Variants in CLOCK observed in about 807,000 individuals in gnomAD.
CLOCK encodes clock circadian regulator.
In CLOCK, 43 loss-of-function variants were observed where a neutral mutation model predicts 118.4. The ratio of observed to expected loss-of-function variants is 0.36; its 90% CI spans 0.28 to 0.47. The LOEUF (loss-of-function observed/expected upper bound fraction) is 0.47, where lower values mean the gene tolerates loss of function less well. Among genes scored for constraint, CLOCK ranks in the 20% least tolerant of loss-of-function variants. The probability of loss-of-function intolerance (pLI) is 1.00; values close to 1 mark genes in which losing one functional copy is unlikely to be tolerated. For missense variants in CLOCK, 846 were observed against 999.9 expected, an observed-to-expected ratio of 0.85 and a Z score of 2.08; for synonymous variants, 326 against 339.2, an observed-to-expected ratio of 0.96 and a Z score of 0.43.
chr4:55,462,311 G>C (rs961767689), intron 9 of CLOCK, among the ~76,000 whole-genome samples: 3 of 151,916 alleles, frequency 2.0e-5, no homozygotes, highest in Non-Finnish European at 4.4e-5. Flanking sequence ...TTTTGAGACA[G>C]AGTCTCGCTC....
chr4:55,472,861 C>T (rs1301661762), intron 7 of CLOCK, among the ~76,000 whole-genome samples: 5 of 152,052 alleles, frequency 3.3e-5, no homozygotes, highest in East Asian at 1.9e-4. Context: ...TCTTGTCATT[C>T]GAGCAAACTC....
chr4:55,506,991 T>A (rs62305268), intron 2 of CLOCK, among the ~76,000 whole-genome samples: 37,489 of 152,090 alleles, frequency 0.25, 4,957 homozygotes, highest in South Asian at 0.37. Flanking sequence ...ACAAATAAAT[T>A]TGGCCAATGA....
intron 8 of CLOCK, among the ~76,000 whole-genome samples, chr4:55,467,244 A>T (rs1725795578): frequency 6.6e-6 from 1 of 152,198 alleles, no homozygotes; most frequent in African/African-American, 2.4e-5. Context: ...ACTAAAGATT[A>T]GAAAGGGATT....
At chr4:55,448,643 TGC>T in intron 18 of CLOCK, 134 bp downstream of exon 18, 2 of 579,620 alleles carry the variant, frequency 3.5e-6, no homozygotes, top group Non-Finnish European at 6.3e-6. Context: ...TGTGTGTGTG[TGC>T]TCCTACCTCA....
At chr4:55,454,188 T>C (rs1289506044) in intron 13 of CLOCK, among the ~76,000 whole-genome samples, 1 of 152,202 alleles carries the variant, frequency 6.6e-6, no homozygotes, top group Non-Finnish European at 1.5e-5. Context: ...ACAGAATCTT[T>C]GAAGCATTTA....
At chr4:55,498,502 A>AT (rs1202841610) in intron 2 of CLOCK, among the ~76,000 whole-genome samples, 1 of 152,058 alleles carries the variant, frequency 6.6e-6, no homozygotes, top group Non-Finnish European at 1.5e-5. Context: ...GAACTAGAAG[A>AT]TTTTGCAATA....
At chr4:55,476,160 T>C (rs937892063) in intron 6 of CLOCK, 106 bp from the exon 7 acceptor site, 27 of 748,270 alleles carry the variant, frequency 3.6e-5, no homozygotes, top group South Asian at 1.3e-4. Flanking sequence ...ATGACAACCG[T>C]AGGCATTAAC....
intron 2 of CLOCK, among the ~76,000 whole-genome samples, chr4:55,507,130 A>G (rs2110012994): frequency 1.3e-5 from 2 of 152,272 alleles, no homozygotes; most frequent in South Asian, 4.1e-4. Context: ...CCTAAGCAGC[A>G]TAGTGAAACC....
chr4:55,501,435 A>G (rs1577807414), intron 2 of CLOCK, among the ~76,000 whole-genome samples: 1 of 151,614 alleles, frequency 6.6e-6, no homozygotes, highest in East Asian at 1.9e-4. Flanking sequence ...TTTTTTTTTA[A>G]GAGACAGGAT....
chr4:55,503,888 A>G (rs1449806486), intron 2 of CLOCK, among the ~76,000 whole-genome samples: 2 of 147,292 alleles, frequency 1.4e-5, no homozygotes, highest in African/African-American at 2.5e-5. Context: ...CACTGCAGGT[A>G]CTTCTTCTTA....
In CLOCK at chr4:55,453,729, G is replaced by T. The variant is rs1357920428; in HGVS notation, c.1078C>A (p.His360Asn). 1.9e-6 allele frequency: 3 copies of T among 1,610,632 alleles called. No individual in the cohort carries two copies. The highest frequency in any genetic ancestry group is 2.5e-6 in the Non-Finnish European group (3 of 1,177,644). ...WLQTHYYITY[H>N]QWNSRPEFIV... ...AACTCTGGCCTTGAATTCCACTGAT[G>T]GTAAGTGATATAATAATGAGTCTGA... is the stretch of plus-strand genomic sequence containing the variant. Residue 360 changes from histidine (H) to asparagine (N), a missense_variant, in exon 14 of 23, where the codon CAT (histidine) becomes AAT (asparagine). His to Asn is a moderately conservative substitution (Grantham distance 68). This residue lies in a region of CLOCK where 66 missense variants were observed against 99.4 expected (regional missense o/e 0.66). Transcript: ENST00000513440.
chr4:55,503,992 A>AAG (rs1359287118), intron 2 of CLOCK, among the ~76,000 whole-genome samples: 7 of 147,622 alleles, frequency 4.7e-5, no homozygotes, highest in African/African-American at 1.7e-4. Flanking sequence ...AAAAAAAAAA[A>AAG]AAAAAAAAAA....
chr4:55,517,733 G>T (rs574181652), intron 1 of CLOCK, among the ~76,000 whole-genome samples: 3 of 152,260 alleles, frequency 2.0e-5, no homozygotes, highest in South Asian at 4.1e-4. Context: ...TGGGCCTAGA[G>T]ATATCTTTTT....
intron 2 of CLOCK, among the ~76,000 whole-genome samples, chr4:55,497,577 G>A (rs112685268): frequency 0.017 from 2,579 of 152,226 alleles, 74 homozygotes; most frequent in African/African-American, 0.058. Context: ...TCTATTAATA[G>A]ATAAAAGACT....
chr4:55,531,393 G>T (rs1241160030), intron 1 of CLOCK, among the ~76,000 whole-genome samples: 1 of 151,966 alleles, frequency 6.6e-6, no homozygotes, highest in Admixed American at 6.6e-5. Context: ...CTTTACTGGA[G>T]AATTCTATCA....
At chr4:55,504,705 TTAAC>T (rs911627796) in intron 2 of CLOCK, among the ~76,000 whole-genome samples, 8 of 152,322 alleles carry the variant, frequency 5.3e-5, no homozygotes, top group African/African-American at 1.9e-4. Flanking sequence ...TTATTGGTAT[TTAAC>T]TATGACCCTA....
At chr4:55,501,486 C>T (rs1465453976) in intron 2 of CLOCK, 2 of 142,808 alleles carry the variant, frequency 1.4e-5, no homozygotes, top group Non-Finnish European at 3.3e-5. Flanking sequence ...GGCCTAATCA[C>T]AGCTCACTGC....
intron 18 of CLOCK, among the ~76,000 whole-genome samples, 163 bp downstream of exon 18, chr4:55,448,616 G>GTC (rs1724140936): frequency 7.6e-6 from 1 of 130,822 alleles, no homozygotes. Flanking sequence ...GTGTGTGTGT[G>GTC]TGTGTGTGTG....
intron 8 of CLOCK, among the ~76,000 whole-genome samples, chr4:55,468,112 G>A (rs1248814409): frequency 6.6e-6 from 1 of 152,056 alleles, no homozygotes; most frequent in Non-Finnish European, 1.5e-5. Flanking sequence ...CCCTGTTATA[G>A]AGATAAGCTA....
Sources: gnomAD v4.1 joint callset for allele counts (sites outside exome capture counted in the v4.1 genomes callset) on GRCh38, gnomAD v4.1.1 for gene constraint, gnomAD v4.1.1 regional missense constraint, MANE v1.5 for transcripts, NCBI Gene and HGNC (gene_info 2026-07-23, HGNC 2026-07-21) for gene names.